LDB2: variants seen among roughly 807,000 people sequenced by gnomAD.
LDB2 encodes LIM domain-binding protein 2.
Under a neutral mutation model 44.3 loss-of-function variants are expected in LDB2, and 12 were observed. The ratio of observed to expected loss-of-function variants is 0.27; its 90% CI spans 0.17 to 0.44. LDB2 has a LOEUF of 0.44. LDB2 is among the 20% of genes least tolerant of loss of function. The pLI is 1.00. For missense variants in LDB2, 344 were observed against 473.5 expected (o/e 0.73, Z 2.54); for synonymous variants, 164 against 174.8 (o/e 0.94, Z 0.49).
At chr4:16,673,606 T>C (rs1372258966) in intron 2 of LDB2, among the ~76,000 whole-genome samples, 2 of 152,238 alleles carry the variant, frequency 1.3e-5, no homozygotes, top group African/African-American at 4.8e-5. Flanking sequence ...GAGAGCACCC[T>C]TCTCCATGCT....
chr4:16,818,896 C>G (rs140169094), intron 1 of LDB2, among the ~76,000 whole-genome samples: 130 of 151,812 alleles, frequency 8.6e-4, no homozygotes, highest in African/African-American at 3.0e-3. Context: ...TGTTGCTGCT[C>G]TCTCTGGATT....
chr4:16,513,427 A>G (rs980317509), intron 5 of LDB2, among the ~76,000 whole-genome samples: 1 of 152,168 alleles, frequency 6.6e-6, no homozygotes, highest in Non-Finnish European at 1.5e-5. Context: ...ATCTGCTTCT[A>G]AGTCTGCCTT....
chr4:16,672,885 C>CT (rs34411088), intron 2 of LDB2, among the ~76,000 whole-genome samples: 21,901 of 146,326 alleles, frequency 0.15, 1,684 homozygotes, highest in Non-Finnish European at 0.16. Flanking sequence ...TCCTTCCTTC[C>CT]TTTTTTTTCC....
intron 3 of LDB2, among the ~76,000 whole-genome samples, chr4:16,595,276 G>A (rs1456216157): frequency 1.3e-5 from 2 of 152,058 alleles, no homozygotes; most frequent in Non-Finnish European, 2.9e-5. Context: ...TTGGGTCATG[G>A]TTAGAGGATT....
At chr4:16,683,015 T>A (rs1478832122) in intron 2 of LDB2, among the ~76,000 whole-genome samples, 1 of 152,208 alleles carries the variant, frequency 6.6e-6, no homozygotes, top group Non-Finnish European at 1.5e-5. Context: ...TTTACAAATC[T>A]CTCTGGTAAA....
intron 1 of LDB2, among the ~76,000 whole-genome samples, chr4:16,828,642 T>C (rs1019186121): frequency 1.3e-5 from 2 of 152,114 alleles, no homozygotes; most frequent in Non-Finnish European, 2.9e-5. Flanking sequence ...TATTGGGAGA[T>C]AGTATAGTGA....
At chr4:16,624,664 T>C (rs1729804165) in intron 2 of LDB2, among the ~76,000 whole-genome samples, 1 of 152,148 alleles carries the variant, frequency 6.6e-6, no homozygotes, top group African/African-American at 2.4e-5. Flanking sequence ...TAATGCCATG[T>C]CTCTTACTGT....
At chr4:16,776,364 C>T (rs951705082) in intron 1 of LDB2, among the ~76,000 whole-genome samples, 2 of 152,222 alleles carry the variant, frequency 1.3e-5, no homozygotes, top group Non-Finnish European at 2.9e-5. Context: ...TCAGTGAAAA[C>T]ATTTTTGGGG....
At chr4:16,664,729 C>A (rs999466929) in intron 2 of LDB2, among the ~76,000 whole-genome samples, 2 of 152,226 alleles carry the variant, frequency 1.3e-5, no homozygotes, top group Admixed American at 1.3e-4. Context: ...ATCTGAATTA[C>A]CTTCCATTCT....
chr4:16,588,290 C>T (rs1311746631), intron 4 of LDB2, among the ~76,000 whole-genome samples: 3 of 152,124 alleles, frequency 2.0e-5, no homozygotes, highest in African/African-American at 7.2e-5. Flanking sequence ...ATAGAGGAGT[C>T]CCATGTCTCG....
chr4:16,815,556 G>C (rs977594344), intron 1 of LDB2, among the ~76,000 whole-genome samples: 3 of 152,136 alleles, frequency 2.0e-5, no homozygotes, highest in African/African-American at 7.2e-5. Context: ...AAGATCCTCT[G>C]ACTACAGGAC....
intron 5 of LDB2, among the ~76,000 whole-genome samples, chr4:16,550,849 T>G (rs1335838619): frequency 6.6e-6 from 1 of 152,244 alleles, no homozygotes; most frequent in Non-Finnish European, 1.5e-5. Context: ...AATTGGAAAC[T>G]ACCTGTATGT....
intron 5 of LDB2, among the ~76,000 whole-genome samples, chr4:16,522,571 G>T (rs969849397): frequency 6.6e-6 from 1 of 152,122 alleles, no homozygotes. Context: ...TTATATGGGG[G>T]ATTATGGTGT....
At chr4:16,612,982 C>T (rs1726113473) in intron 2 of LDB2, among the ~76,000 whole-genome samples, 1 of 152,176 alleles carries the variant, frequency 6.6e-6, no homozygotes, top group African/African-American at 2.4e-5. Flanking sequence ...AATCCAGCAG[C>T]ACATTGAAAA....
chr4:16,648,702 T>A (rs1273159733), intron 2 of LDB2, among the ~76,000 whole-genome samples: 1 of 152,216 alleles, frequency 6.6e-6, no homozygotes, highest in Non-Finnish European at 1.5e-5. Flanking sequence ...AAAAAGACTC[T>A]ATTTAATTGC....
intron 2 of LDB2, among the ~76,000 whole-genome samples, chr4:16,680,934 A>G (rs778346068): frequency 2.0e-5 from 3 of 152,216 alleles, no homozygotes; most frequent in Non-Finnish European, 4.4e-5. Context: ...GAAATTTACC[A>G]TTAAGATGAA....
At chr4:16,674,201 T>G (rs1338974434) in intron 2 of LDB2, 2 of 1,273,402 alleles carry the variant, frequency 1.6e-6, no homozygotes, top group Non-Finnish European at 2.1e-6. Flanking sequence ...ATGAGGTACC[T>G]TTGGTCAAAC....
rs1725900648 is a variant in LDB2, at chr4:16,898,278, G to T, written c.132+76C>A. ...AGTGGGACACTTCCCATAGAATTCA[G>T]CCAGAAACCCTAGGAAAAGCTCATG... On this transcript the variant is annotated intron_variant, in intron 1 of 7. Coordinates refer to ENST00000304523, the MANE Select transcript of LDB2 (RefSeq NM_001290.5). The T allele has an allele frequency of 2.1e-6, 3 of 1,433,228 alleles. No homozygotes were observed. The Admixed American group carries it at 5.4e-5, about 26-fold the overall frequency. 88.8% of individuals were successfully genotyped at this position (1,433,228 alleles called of 1,614,324 possible). A position where few individuals can be genotyped will look rare whatever the true frequency, so the allele number is the denominator to read the frequency against.
At chr4:16,888,683 T>C in intron 1 of LDB2, 1 of 980,962 alleles carries the variant, frequency 1.0e-6, no homozygotes, top group Non-Finnish European at 1.2e-6. Flanking sequence ...CATTATTTAA[T>C]TTGCTGATAG....
Sources: gnomAD v4.1 joint callset for allele counts (sites outside exome capture counted in the v4.1 genomes callset) on GRCh38, gnomAD v4.1.1 for gene constraint, MANE v1.5 for transcripts, NCBI Gene and HGNC (gene_info 2026-07-23, HGNC 2026-07-21) for gene names.